The following CSMD1 variants were observed in gnomAD, a reference collection of about 807,000 sequenced individuals.
CSMD1 encodes CUB and Sushi multiple domains 1.
Under a neutral mutation model 417.5 loss-of-function variants are expected in CSMD1, and 213 were observed. That is an observed-to-expected ratio of 0.51 (90% CI 0.46 to 0.57). The LOEUF (loss-of-function observed/expected upper bound fraction) is 0.57. Ranked by LOEUF, CSMD1 falls within the 20% of genes least tolerant of loss-of-function variation. The pLI, the probability that CSMD1 is intolerant of heterozygous loss-of-function variation, is 0.00. For missense variants in CSMD1, 6,923 were observed against 4,529.7 expected (o/e 1.53, Z -15.17); for synonymous variants, 2,862 against 1,736.8 (o/e 1.65, Z -16.11).
intron 1 of CSMD1, among the ~76,000 whole-genome samples, chr8:4,901,231 G>T (rs181606654): frequency 6.6e-6 from 1 of 152,088 alleles, no homozygotes. Context: ...TATTTCAGAC[G>T]CTTCCTCAAA....
Position 4,147,769 on chromosome 8 carries a change from A to C in CSMD1, c.416-115670T>G, listed in dbSNP as rs575266296. ...ACCCCCGGCAAGCCATGGACTTGCC[A>C]TGTGAGATCAGAGCCTGACCCAATG... On this transcript the variant is annotated intron_variant, in intron 3 of 69. Coordinates refer to ENST00000635120, the MANE Select transcript of CSMD1 (RefSeq NM_033225.6). Among the ~76,000 whole-genome samples, 12 of 152,236 alleles carry C rather than the reference A, an allele frequency of 7.9e-5. No individual in the cohort carries two copies. In the South Asian group the frequency reaches 2.5e-3, roughly 32 times the overall value.
chr8:3,669,370 T>C (rs1798868112), intron 7 of CSMD1, among the ~76,000 whole-genome samples: 1 of 152,030 alleles, frequency 6.6e-6, no homozygotes, highest in Admixed American at 6.6e-5. Context: ...GGCGGGAGGG[T>C]CCAAGGCCTT....
chr8:4,295,077 TATAATCTTAAGATTAC>T (rs1797585636), intron 3 of CSMD1, among the ~76,000 whole-genome samples: 1 of 147,258 alleles, frequency 6.8e-6, no homozygotes, highest in African/African-American at 2.5e-5. Context: ...ATTACACACA[TATAATCTTAAGATTAC>T]ACACATATAA....
chr8:4,696,054 T>C (rs1015450816), intron 1 of CSMD1, among the ~76,000 whole-genome samples: 2 of 152,230 alleles, frequency 1.3e-5, no homozygotes, highest in Non-Finnish European at 2.9e-5. Context: ...CTCTATCTTA[T>C]AAACATGGAT....
chr8:4,390,254 A>G (rs768142235), intron 3 of CSMD1, among the ~76,000 whole-genome samples: 7 of 152,142 alleles, frequency 4.6e-5, no homozygotes, highest in Non-Finnish European at 1.0e-4. Context: ...GGAAAAAGAA[A>G]AACCAACTAC....
At chr8:2,988,919 G>A (rs963397982) in intron 54 of CSMD1, among the ~76,000 whole-genome samples, 10 of 152,100 alleles carry the variant, frequency 6.6e-5, no homozygotes, top group South Asian at 2.1e-4. Context: ...ACAGTAGCAC[G>A]GATTTACCTG....
chr8:3,401,794 G>C (rs1300019404), intron 15 of CSMD1, among the ~76,000 whole-genome samples: 1 of 152,076 alleles, frequency 6.6e-6, no homozygotes, highest in Non-Finnish European at 1.5e-5. Flanking sequence ...CCCATGACAA[G>C]GTTCCTTTAA....
intron 5 of CSMD1, among the ~76,000 whole-genome samples, chr8:3,963,588 C>A (rs558766846): frequency 1.3e-5 from 2 of 151,894 alleles, no homozygotes; most frequent in African/African-American, 2.4e-5. Context: ...ACTAAGTAAA[C>A]AAAAAATAAA....
At chr8:3,569,538 C>T (rs552333637) in intron 10 of CSMD1, among the ~76,000 whole-genome samples, 1 of 152,250 alleles carries the variant, frequency 6.6e-6, no homozygotes, top group African/African-American at 2.4e-5. Context: ...GTTTGCAGAC[C>T]AGGTCAAACA....
At chr8:3,975,704 T>C (rs138882146) in intron 5 of CSMD1, among the ~76,000 whole-genome samples, 8 of 152,224 alleles carry the variant, frequency 5.3e-5, no homozygotes, top group African/African-American at 1.9e-4. Flanking sequence ...AAAGCCATGG[T>C]TGACAACGAC....
chr8:3,278,724 A>G (rs570161026), intron 26 of CSMD1: 1 of 152,098 alleles, frequency 6.6e-6, no homozygotes, highest in South Asian at 2.1e-4. Context: ...CCATCCTCCC[A>G]CCTACAAAAG....
chr8:4,275,962 C>T (rs1445177161), intron 3 of CSMD1, among the ~76,000 whole-genome samples: 1 of 152,114 alleles, frequency 6.6e-6, no homozygotes, highest in Non-Finnish European at 1.5e-5. Flanking sequence ...GTTAAAAAGT[C>T]AGGAAACAGC....
chr8:4,862,496 G>A (rs924147709), intron 1 of CSMD1, among the ~76,000 whole-genome samples: 1 of 152,118 alleles, frequency 6.6e-6, no homozygotes, highest in African/African-American at 2.4e-5. Context: ...GCAGTGATAA[G>A]CAGTGAAATA....
chr8:3,921,388 CTATTT>C (rs1809251408), intron 5 of CSMD1, among the ~76,000 whole-genome samples: 1 of 151,956 alleles, frequency 6.6e-6, no homozygotes, highest in Admixed American at 6.6e-5. Context: ...TTTCTAGCCT[CTATTT>C]AATTTATTAT....
In CSMD1 at chr8:4,159,345, A is replaced by C. The variant is rs188958337; in HGVS notation, c.416-127246T>G. Among the ~76,000 whole-genome samples, 282 of 152,318 alleles carry C rather than the reference A, an allele frequency of 1.9e-3. 3 individuals are homozygous for C. Among genetic ancestry groups the C allele is most frequent in the African/African-American group, 6.5e-3 (271 of 41,560 alleles). On this transcript the variant is annotated intron_variant, in intron 3 of 69. Coordinates refer to ENST00000635120, the MANE Select transcript of CSMD1 (RefSeq NM_033225.6). Reference sequence around the variant, plus strand: ...TCCATTATTAGTACTCAAATGGAGGAAATATTTTTATTTGTGATTCAGTAA... The same window carrying C: ...TCCATTATTAGTACTCAAATGGAGGCAATATTTTTATTTGTGATTCAGTAA...
intron 2 of CSMD1, among the ~76,000 whole-genome samples, chr8:4,536,576 G>T (rs1797112657): frequency 6.6e-6 from 1 of 152,160 alleles, no homozygotes; most frequent in Admixed American, 6.5e-5. Flanking sequence ...ATCGGACACT[G>T]TTGTGGATAT....
intron 1 of CSMD1, among the ~76,000 whole-genome samples, chr8:4,975,225 T>C (rs10103971): frequency 0.15 from 23,004 of 152,070 alleles, 1,903 homozygotes; most frequent in East Asian, 0.31. Flanking sequence ...TATGAAAATA[T>C]CAGAAAAAAA....
chr8:3,645,121 G>C (rs1021097684), intron 7 of CSMD1, among the ~76,000 whole-genome samples: 1 of 152,076 alleles, frequency 6.6e-6, no homozygotes, highest in Admixed American at 6.6e-5. Flanking sequence ...CTAAGGCCAT[G>C]TTCAAAGCCA....
intron 2 of CSMD1, among the ~76,000 whole-genome samples, chr8:4,574,643 T>G (rs1028605913): frequency 3.3e-5 from 5 of 152,332 alleles, no homozygotes; most frequent in Non-Finnish European, 5.9e-5. Context: ...GGGAGACACT[T>G]AAAGAATTCT....
Sources: allele counts gnomAD v4.1 joint callset (sites outside exome capture counted in the v4.1 genomes callset), GRCh38; gene constraint gnomAD v4.1.1; transcripts MANE v1.5; gene names NCBI Gene and HGNC (gene_info 2026-07-23, HGNC 2026-07-21).